EPSTI1: variants seen among roughly 807,000 people sequenced by gnomAD.
EPSTI1 encodes epithelial-stromal interaction protein 1.
In EPSTI1, 66 loss-of-function variants were observed where a neutral mutation model predicts 49.9. The observed-to-expected ratio is 1.32, with a 90% CI of 1.08 to 1.62. The LOEUF is 1.62. EPSTI1 is among the 40% of genes most tolerant of loss of function. EPSTI1 has a pLI of 0.00. For missense variants in EPSTI1, 394 were observed against 365.5 expected, an observed-to-expected ratio of 1.08 and a Z score of -0.64; for synonymous variants, 137 against 130.7, an observed-to-expected ratio of 1.05 and a Z score of -0.33.
chr13:42,975,889 T>C (rs748242924), intron 1 of EPSTI1, among the ~76,000 whole-genome samples: 4 of 152,180 alleles, frequency 2.6e-5, no homozygotes, highest in Non-Finnish European at 5.9e-5. Context: ...TTGTAGAGAC[T>C]CACCATCTTT....
intron 10 of EPSTI1, among the ~76,000 whole-genome samples, chr13:42,894,689 AAAAAC>A: frequency 6.6e-6 from 1 of 152,066 alleles, no homozygotes; most frequent in Non-Finnish European, 1.5e-5. Context: ...AAAAAAAAAA[AAAAAC>A]GTTCATTTGT....
intron 6 of EPSTI1, among the ~76,000 whole-genome samples, chr13:42,927,184 C>G: frequency 6.6e-6 from 1 of 152,154 alleles, no homozygotes; most frequent in East Asian, 1.9e-4. Flanking sequence ...ATAAGAAGTT[C>G]TCTGTTTTTA....
intron 4 of EPSTI1, among the ~76,000 whole-genome samples, chr13:42,963,804 G>T (rs1252845114): frequency 2.0e-5 from 3 of 152,118 alleles, no homozygotes; most frequent in Non-Finnish European, 4.4e-5. Context: ...TTAAACTATA[G>T]TTAAACATAG....
At position 42,964,095 on chromosome 13, in the gene EPSTI1, G is replaced by A; in HGVS notation, c.376C>T (p.Gln126Ter). The A allele has an allele frequency of 1.2e-6, 2 of 1,613,530 alleles. No homozygotes were observed. The highest frequency in any genetic ancestry group is 2.2e-5 in the East Asian group (1 of 44,836). Residue 126 changes from glutamine to a stop codon, truncating the protein, a stop_gained, in exon 4 of 11, where the codon CAG (glutamine) becomes TAG (stop). Coordinates refer to ENST00000313624, the MANE Select transcript of EPSTI1 (RefSeq NM_033255.5). LOFTEE classifies it high-confidence loss of function. ...ETEVRQKQQLQLMQSKYKQKL... is the reference protein window; with the variant it reads ...ETEVRQKQQL ...TGCTTGTATTTAGATTGCATCAGCT[G>A]GAGTTGTTGTTTCTGTCTGACTTCA...
rs150378324 is a variant in EPSTI1 at position 42,952,331 on chromosome 13, C to T, written c.563+1617G>A. The stretch of plus-strand genomic sequence containing the variant: ...CACCTTTAAGAGCTGTAACACTCAC[C>T]GCAAAGGTCCATGGCTTCATTCTTG... On this transcript the variant is annotated intron_variant, in intron 6 of 10. Coordinates refer to ENST00000313624, the MANE Select transcript of EPSTI1 (RefSeq NM_033255.5). 4.8e-3 allele frequency among the ~76,000 whole-genome samples: 734 copies of T among 152,250 alleles called. 6 individuals are homozygous for T. Among genetic ancestry groups the T allele is most frequent in the African/African-American group, 0.016 (677 of 41,544 alleles).
chr13:42,912,703 C>T (rs2037721571), intron 8 of EPSTI1, among the ~76,000 whole-genome samples: 1 of 151,948 alleles, frequency 6.6e-6, no homozygotes, highest in Non-Finnish European at 1.5e-5. Flanking sequence ...CTGCTACTTA[C>T]CAAATCAGCA....
rs77264341 is a variant in EPSTI1 at position 42,919,982 on chromosome 13, C to T, written c.658-2358G>A. On this transcript the variant is annotated intron_variant, in intron 7 of 10. Coordinates refer to ENST00000313624, the MANE Select transcript of EPSTI1 (RefSeq NM_033255.5). ...TGTGAGAAATATCTTTTCCAGGCTT[C>T]TCTTTTTGGCCTGCAGACTCCATCT... Among the ~76,000 whole-genome samples, 417 of 152,296 alleles carry T rather than the reference C, an allele frequency of 2.7e-3. 1 individual carries two copies. Among genetic ancestry groups the T allele is most frequent in the African/African-American group, 9.7e-3 (403 of 41,560 alleles).
At chr13:42,911,463 C>G (rs2037684242) in intron 8 of EPSTI1, among the ~76,000 whole-genome samples, 1 of 152,154 alleles carries the variant, frequency 6.6e-6, no homozygotes, top group Admixed American at 6.5e-5. Context: ...CAAGTTCAGC[C>G]TCCTGGGGGA....
At chr13:42,974,672 A>G (rs2039846701) in intron 1 of EPSTI1, among the ~76,000 whole-genome samples, 2 of 152,170 alleles carry the variant, frequency 1.3e-5, no homozygotes, top group Admixed American at 1.3e-4. Context: ...AAAAAAAAAA[A>G]AAGTTTTCCT....
intron 7 of EPSTI1, among the ~76,000 whole-genome samples, chr13:42,921,927 C>T (rs747620758): frequency 5.3e-5 from 8 of 151,900 alleles, no homozygotes; most frequent in African/African-American, 7.2e-5. Context: ...TAGAAATTTG[C>T]GTCAAGAGGC....
intron 5 of EPSTI1, among the ~76,000 whole-genome samples, chr13:42,959,918 A>G (rs952785522): frequency 1.3e-5 from 2 of 152,138 alleles, no homozygotes; most frequent in African/African-American, 4.8e-5. Flanking sequence ...ATGTAAGACT[A>G]TTTTCTTGTC....
intron 6 of EPSTI1, among the ~76,000 whole-genome samples, chr13:42,946,633 G>A (rs1335599876): frequency 3.3e-5 from 5 of 152,162 alleles, no homozygotes; most frequent in Admixed American, 3.3e-4. Context: ...GATATTGGTA[G>A]GAAGAAATAG....
In EPSTI1 at chr13:42,938,632, G is replaced by C. The variant is rs146218577; in HGVS notation, c.564-12203C>G. Among the ~76,000 whole-genome samples, 696 of 152,116 alleles carry C rather than the reference G, an allele frequency of 4.6e-3. 6 individuals carry two copies. The highest frequency in any genetic ancestry group is 0.015 in the African/African-American group (640 of 41,478). On this transcript the variant is annotated intron_variant, in intron 6 of 10. Transcript: ENST00000313624. ...CATCTACATTAAAAATCTGTTGTTA[G>C]GCTGGGTGCAGCGGCTCACCCCTGT...
chr13:42,954,009 C>A lies in EPSTI1; in HGVS notation c.502G>T (p.Glu168Ter). 6.2e-7 allele frequency: 1 copy of A among 1,611,520 alleles called. No individual in the cohort carries two copies. Among genetic ancestry groups the A allele is most frequent in the Non-Finnish European group, 8.5e-7 (1 of 1,179,296 alleles). ...TTTTCTTGAAGTCTTTTTTTCTCCT[C>A]CAGTTTATTGCTCTGAAATTGCAAA... ...AIQREKSNKL[E>*]EKKRLQENLR... is the part of the protein sequence containing the mutation. The change falls in exon 6 of 11, where the codon GAG becomes TAG. Residue 168 changes from glutamate (E) to a stop codon, truncating the protein, a stop_gained. Coordinates refer to ENST00000313624, the MANE Select transcript of EPSTI1 (RefSeq NM_033255.5). LOFTEE classifies it high-confidence loss of function.
intron 1 of EPSTI1, among the ~76,000 whole-genome samples, chr13:42,976,623 C>T (rs1212922116): frequency 6.6e-6 from 1 of 152,052 alleles, no homozygotes; most frequent in Non-Finnish European, 1.5e-5. Context: ...CTGTCTCAAG[C>T]CTTACTCAAG....
At chr13:42,917,450 T>C in intron 8 of EPSTI1, 91 bp downstream of exon 8, 2 of 1,068,894 alleles carry the variant, frequency 1.9e-6, no homozygotes, top group Non-Finnish European at 2.8e-6. Flanking sequence ...AGGATTTTCA[T>C]GTGTCTAAAT....
intron 1 of EPSTI1, among the ~76,000 whole-genome samples, chr13:42,974,105 G>A (rs2039825438): frequency 6.6e-6 from 1 of 152,064 alleles, no homozygotes; most frequent in Non-Finnish European, 1.5e-5. Context: ...GGGGGCTGAG[G>A]CGGGTGGATC....
At chr13:42,969,812 T>C (rs1013873878) in intron 2 of EPSTI1, 3 of 152,276 alleles carry the variant, frequency 2.0e-5, no homozygotes, top group Non-Finnish European at 4.4e-5. Flanking sequence ...CCTCCCCTTA[T>C]CTCCTCATGA....
chr13:42,931,105 T>C (rs1019968255), intron 6 of EPSTI1, among the ~76,000 whole-genome samples: 2 of 151,096 alleles, frequency 1.3e-5, no homozygotes, highest in Non-Finnish European at 3.0e-5. Flanking sequence ...TTCTTAATAC[T>C]CTTTCCTCCT....
Sources: allele counts gnomAD v4.1 joint callset (sites outside exome capture counted in the v4.1 genomes callset), GRCh38; gene constraint gnomAD v4.1.1; transcripts MANE v1.5; gene names NCBI Gene and HGNC (gene_info 2026-07-23, HGNC 2026-07-21).